TCF12: variants seen among roughly 807,000 people sequenced by gnomAD.
The protein encoded by TCF12 is DNA-binding protein HTF4.
Under a neutral mutation model 86.0 loss-of-function variants are expected in TCF12, and 45 were observed. The observed-to-expected ratio is 0.52, with a 90% CI of 0.41 to 0.67. The LOEUF is 0.67. Ranked by LOEUF, TCF12 falls within the 30% of genes least tolerant of loss-of-function variation. The pLI is 0.00. For missense variants in TCF12, 881 were observed against 859.9 expected (o/e 1.02, Z -0.31); for synonymous variants, 330 against 299.6 (o/e 1.10, Z -1.05).
At chr15:57,068,351 A>G (rs944205977) in intron 4 of TCF12, among the ~76,000 whole-genome samples, 4 of 152,220 alleles carry the variant, frequency 2.6e-5, no homozygotes, top group Non-Finnish European at 5.9e-5. Flanking sequence ...ATATTTAACA[A>G]TTACACAAAT....
chr15:57,266,122 T>C (rs1361126769), intron 18 of TCF12, among the ~76,000 whole-genome samples: 1 of 111,086 alleles, frequency 9.0e-6, no homozygotes, highest in Non-Finnish European at 1.8e-5. Context: ...TATTTATTTA[T>C]TTATTTAAAG....
chr15:57,111,586 C>CTTT lies in TCF12; in HGVS notation c.325+19716_325+19718dup, dbSNP rs1166862090. ...GAATAGGTAGGTTTGGTTTGTTTAT[C>CTTT]TTTTTTTTTTTTTTTTTTTTTTTAA... is the stretch of plus-strand genomic sequence containing the variant. On this transcript the variant is annotated intron_variant, in intron 5 of 20. Transcript: ENST00000333725. 1.2e-3 allele frequency among the ~76,000 whole-genome samples: 142 copies of CTTT among 115,448 alleles called. 1 individual carries two copies. The highest frequency in any genetic ancestry group is 4.4e-3 in the African/African-American group (134 of 30,622). The allele number at this position is 115,448 out of a possible 152,430, so 75.7% of individuals were successfully genotyped here. A position where few individuals can be genotyped will look rare whatever the true frequency, so the allele number is the denominator to read the frequency against.
At chr15:57,210,822 A>T (rs1368179818) in intron 8 of TCF12, among the ~76,000 whole-genome samples, 2 of 152,038 alleles carry the variant, frequency 1.3e-5, no homozygotes, top group African/African-American at 4.8e-5. Context: ...AAACTTTCCA[A>T]CCTACATACT....
chr15:57,241,532 C>T (rs1238589831), intron 12 of TCF12, among the ~76,000 whole-genome samples: 2 of 152,224 alleles, frequency 1.3e-5, no homozygotes, highest in Non-Finnish European at 2.9e-5. Flanking sequence ...TATACAGTGT[C>T]TAGATCCTGA....
At chr15:56,982,890 T>G (rs1029580787) in intron 3 of TCF12, among the ~76,000 whole-genome samples, 1 of 152,212 alleles carries the variant, frequency 6.6e-6, no homozygotes, top group Non-Finnish European at 1.5e-5. Context: ...GAATTGCTTT[T>G]GAAGTAGCAT....
chr15:57,052,886 T>G (rs1313566290), intron 3 of TCF12, among the ~76,000 whole-genome samples: 2 of 152,154 alleles, frequency 1.3e-5, no homozygotes, highest in African/African-American at 4.8e-5. Flanking sequence ...TGTTTCCACA[T>G]TTTTACTATT....
intron 3 of TCF12, among the ~76,000 whole-genome samples, chr15:57,049,561 ATAG>A (rs2067473429): frequency 6.6e-6 from 1 of 152,238 alleles, no homozygotes; most frequent in Non-Finnish European, 1.5e-5. Flanking sequence ...CTGTTGCTGA[ATAG>A]TAGTATTTCA....
Position 56,950,751 on chromosome 15 carries a change from T to C in TCF12, c.148+29653T>C, listed in dbSNP as rs1217169309. Among the ~76,000 whole-genome samples the C allele has an allele frequency of 7.3e-4, 102 of 139,648 alleles. 16 individuals are homozygous for C. Among genetic ancestry groups the C allele is most frequent in the Middle Eastern group, 3.6e-3 (1 of 276 alleles). The allele number at this position is 139,648 out of a possible 152,430, so 91.6% of individuals were successfully genotyped here. On this transcript the variant is annotated intron_variant, in intron 3 of 20. Transcript: ENST00000333725. ...ATAAAGCTATTATGACCATGTTTTT[T>C]TTTTTTTTTTTTTTTTTTTTTTAAG...
chr15:57,198,740 T>C (rs1412810731), intron 8 of TCF12, among the ~76,000 whole-genome samples: 2 of 121,714 alleles, frequency 1.6e-5, no homozygotes, highest in Non-Finnish European at 3.7e-5. Context: ...TAAATGGATG[T>C]TGGGCTTTTA....
intron 16 of TCF12, among the ~76,000 whole-genome samples, chr15:57,261,534 T>G (rs201516729): frequency 6.6e-6 from 1 of 152,128 alleles, no homozygotes; most frequent in Admixed American, 6.6e-5. Flanking sequence ...CATGTATAAC[T>G]CCAGCCAATA....
At chr15:57,001,383 CAGTA>C (rs1322615581) in intron 3 of TCF12, 4 of 181,162 alleles carry the variant, frequency 2.2e-5, no homozygotes, top group African/African-American at 7.1e-5. Context: ...TCCAATATTT[CAGTA>C]AGTATTTCCA....
intron 18 of TCF12, among the ~76,000 whole-genome samples, chr15:57,267,836 C>T (rs1167459282): frequency 3.3e-5 from 5 of 152,212 alleles, no homozygotes; most frequent in African/African-American, 4.8e-5. Flanking sequence ...ACATACTTGC[C>T]GAGTGACTTT....
At chr15:56,943,332 A>C (rs1162747469) in intron 3 of TCF12, among the ~76,000 whole-genome samples, 2 of 152,170 alleles carry the variant, frequency 1.3e-5, no homozygotes, top group African/African-American at 4.8e-5. Flanking sequence ...CATATGACTT[A>C]AGCTAAAAAA....
Position 57,195,021 on chromosome 15 carries a change from G to T in TCF12, c.526+2728G>T, listed in dbSNP as rs541124091. Among the ~76,000 whole-genome samples the T allele has an allele frequency of 3.1e-3, 471 of 152,256 alleles. 2 individuals are homozygous for T. Among genetic ancestry groups the T allele is most frequent in the African/African-American group, 0.011 (452 of 41,552 alleles). On this transcript the variant is annotated intron_variant, in intron 7 of 20. Coordinates refer to ENST00000333725, the MANE Select transcript of TCF12 (RefSeq NM_207037.2). ...GGGCTCAAGCGAGTCTCCTGCCTCA[G>T]CCTCCCGAGTAGCTGAGATTACAGG... is the stretch of plus-strand genomic sequence containing the variant.
At chr15:57,053,080 C>G (rs1274154793) in intron 3 of TCF12, among the ~76,000 whole-genome samples, 1 of 152,188 alleles carries the variant, frequency 6.6e-6, no homozygotes, top group Non-Finnish European at 1.5e-5. Flanking sequence ...TTCTCACCAA[C>G]AATGTACGGG....
At chr15:57,234,941 C>T (rs2059320191) in intron 12 of TCF12, among the ~76,000 whole-genome samples, 1 of 152,112 alleles carries the variant, frequency 6.6e-6, no homozygotes, top group African/African-American at 2.4e-5. Flanking sequence ...CTGTCAGATA[C>T]ATTTGTTGCC....
chr15:57,142,391 C>G (rs1441201057), intron 5 of TCF12, among the ~76,000 whole-genome samples: 1 of 147,474 alleles, frequency 6.8e-6, no homozygotes, highest in Admixed American at 6.9e-5. Context: ...CAGATTCCCT[C>G]AGCTGTGTTC....
chr15:57,254,874 A>AAAAGAAAGAAAG (rs370729299), intron 16 of TCF12, among the ~76,000 whole-genome samples: 2 of 108,848 alleles, frequency 1.8e-5, no homozygotes, highest in African/African-American at 5.8e-5. Flanking sequence ...AAAAAAAAAA[A>AAAAGAAAGAAAG]AAAGAAAGAA....
At chr15:57,187,044 G>C (rs976872441) in intron 6 of TCF12, among the ~76,000 whole-genome samples, 6 of 152,108 alleles carry the variant, frequency 3.9e-5, no homozygotes, top group Non-Finnish European at 7.4e-5. Flanking sequence ...AGCCAGGCGT[G>C]GTGGCACACA....
Sources: allele counts gnomAD v4.1 joint callset (sites outside exome capture counted in the v4.1 genomes callset), GRCh38; gene constraint gnomAD v4.1.1; transcripts MANE v1.5; gene names NCBI Gene and HGNC (gene_info 2026-07-23, HGNC 2026-07-21).